The following SND1 variants were observed in gnomAD, a reference collection of about 807,000 sequenced individuals.
The protein encoded by SND1 is staphylococcal nuclease domain-containing protein 1.
A neutral mutation model predicts 121.7 loss-of-function variants in SND1; 38 were observed. That is an observed-to-expected ratio of 0.31 (90% CI 0.24 to 0.41). The LOEUF (loss-of-function observed/expected upper bound fraction) is 0.41, where lower values mean the gene tolerates loss of function less well. SND1 is among the 10% of genes least tolerant of loss of function. SND1 has a pLI of 1.00. For missense variants in SND1, 868 were observed against 1,184.6 expected (o/e 0.73, Z 3.92); for synonymous variants, 401 against 447.4 (o/e 0.90, Z 1.31).
At chr7:127,762,838 A>G (rs760296030) in intron 10 of SND1, among the ~76,000 whole-genome samples, 1 of 152,226 alleles carries the variant, frequency 6.6e-6, no homozygotes, top group Non-Finnish European at 1.5e-5. Flanking sequence ...TTAAGGAATA[A>G]TTGTAAAAGA....
In SND1 at chr7:127,922,536, A is replaced by G. The variant is rs191262392; in HGVS notation, c.1528-6652A>G. 5.9e-4 allele frequency among the ~76,000 whole-genome samples: 90 copies of G among 152,186 alleles called. 1 individual carries two copies. The highest frequency in any genetic ancestry group is 2.0e-3 in the Admixed American group (30 of 15,280). On this transcript the variant is annotated intron_variant, in intron 14 of 23. Transcript: ENST00000354725. The stretch of plus-strand genomic sequence containing the variant: ...AATGGTGGGTAGGACCAACCAAATA[A>G]AAGTGTTTGTAGATGTCTGACTTTC...
intron 10 of SND1, among the ~76,000 whole-genome samples, chr7:127,732,755 TAAGTA>T (rs1431652156): frequency 6.6e-6 from 1 of 152,260 alleles, no homozygotes; most frequent in African/African-American, 2.4e-5. Context: ...TAGAAGAAGT[TAAGTA>T]AATTTATATC....
chr7:127,779,817 C>G (rs1258190992), intron 10 of SND1, among the ~76,000 whole-genome samples: 2 of 152,182 alleles, frequency 1.3e-5, no homozygotes, highest in African/African-American at 4.8e-5. Flanking sequence ...GCCTGGATTG[C>G]TCTTTCTTAT....
chr7:127,748,689 T>A (rs956814565), intron 10 of SND1, among the ~76,000 whole-genome samples: 1 of 152,152 alleles, frequency 6.6e-6, no homozygotes, highest in Non-Finnish European at 1.5e-5. Context: ...CAAAACTACA[T>A]GAATTGGTCT....
At chr7:127,902,876 G>C (rs2116761865) in intron 13 of SND1, among the ~76,000 whole-genome samples, 1 of 151,646 alleles carries the variant, frequency 6.6e-6, no homozygotes, top group African/African-American at 2.4e-5. Context: ...ACCACACCTG[G>C]CTGATTTATT....
At chr7:127,714,193 C>T (rs1043178237) in intron 9 of SND1, among the ~76,000 whole-genome samples, 5 of 152,140 alleles carry the variant, frequency 3.3e-5, no homozygotes, top group Non-Finnish European at 5.9e-5. Context: ...ATAGATTAAG[C>T]AGAGCCCTGA....
At chr7:127,968,344 T>C (rs1801902322) in intron 15 of SND1, among the ~76,000 whole-genome samples, 1 of 152,206 alleles carries the variant, frequency 6.6e-6, no homozygotes, top group African/African-American at 2.4e-5. Context: ...AACACAGAGA[T>C]CTGCAGTCTG....
At chr7:127,745,066 A>G (rs1796953548) in intron 10 of SND1, among the ~76,000 whole-genome samples, 3 of 152,214 alleles carry the variant, frequency 2.0e-5, no homozygotes, top group Admixed American at 1.3e-4. Context: ...ATCCTTGGTA[A>G]GTAGAAAGAT....
At chr7:127,857,719 A>T in intron 12 of SND1, 2 of 599,526 alleles carry the variant, frequency 3.3e-6, no homozygotes, top group Non-Finnish European at 6.0e-6. Flanking sequence ...CCCCACAACT[A>T]AAGGCTTTTA....
intron 15 of SND1, among the ~76,000 whole-genome samples, chr7:127,944,669 C>T (rs12154492): frequency 0.22 from 33,744 of 152,138 alleles, 4,235 homozygotes; most frequent in Middle Eastern, 0.33. Context: ...GAGAAATGAA[C>T]TTCACCTGAG....
At chr7:127,724,085 A>G (rs34188289) in intron 10 of SND1, among the ~76,000 whole-genome samples, 9,921 of 152,270 alleles carry the variant, frequency 0.065, 417 homozygotes, top group Middle Eastern at 0.19. Context: ...TTGTTGGTAC[A>G]TATTTACAGA....
At chr7:127,679,158 C>A (rs970775824) in intron 1 of SND1, 1 of 152,164 alleles carries the variant, frequency 6.6e-6, no homozygotes, top group East Asian at 1.9e-4. Flanking sequence ...CCATTTTCAT[C>A]CTTTTTAGAG....
rs1405867037 is a variant in SND1, at chr7:127,686,751, A to T, written c.217A>T (p.Thr73Ser). 8 of 1,613,400 alleles carry T rather than the reference A, an allele frequency of 5.0e-6. No individual in the cohort carries two copies. The East Asian group carries it at 1.8e-4, about 36-fold the overall frequency. ...AAATQPDAKD[T>S]PDEPWAFPAR... ...CGCCACACAACCTGATGCAAAGGAT[A>T]CCCCTGATGAGGTAGGTGTTTCCTG... The change falls in exon 2 of 24, where the codon ACC (threonine) becomes TCC (serine). Residue 73 changes from threonine to serine, a missense_variant. Thr to Ser is a moderately conservative substitution (Grantham distance 58). This residue lies in a region of SND1 where 125 missense variants were observed against 113.3 expected (regional missense o/e 1.10). Transcript: ENST00000354725.
intron 16 of SND1, among the ~76,000 whole-genome samples, chr7:128,040,800 G>A (rs1163911897): frequency 2.6e-5 from 4 of 152,198 alleles, no homozygotes; most frequent in African/African-American, 9.6e-5. Flanking sequence ...TGCCACATTG[G>A]CGCTGCCTCC....
At chr7:127,686,461 C>A in intron 1 of SND1, 152 bp from the exon 2 acceptor site, 1 of 778,558 alleles carries the variant, frequency 1.3e-6, no homozygotes, top group African/African-American at 1.8e-5. Flanking sequence ...AAATTAAAAA[C>A]AATCCTGTTT....
intron 9 of SND1, among the ~76,000 whole-genome samples, chr7:127,709,929 A>G (rs1587612053): frequency 1.3e-5 from 2 of 152,254 alleles, no homozygotes; most frequent in East Asian, 3.9e-4. Flanking sequence ...AAAAAACATA[A>G]AGAAGATAAG....
chr7:128,085,307 GA>G lies in SND1; in HGVS notation c.2235-403del, dbSNP rs1793671061. Among the ~76,000 whole-genome samples the G allele has an allele frequency of 1.3e-5, 2 of 152,214 alleles. No homozygotes were observed. Among genetic ancestry groups the G allele is most frequent in the Non-Finnish European group, 2.9e-5 (2 of 68,018 alleles). ...GTCGCTGATGTGTAATCTACCAAGG[GA>G]GGGCCCATGGCCTTCCCAGGGTGAC... On this transcript the variant is annotated intron_variant, in intron 19 of 23. Coordinates refer to ENST00000354725, the MANE Select transcript of SND1 (RefSeq NM_014390.4). This position sits in a 1 kb window ranked among gnomAD's most constrained non-coding sequence, Gnocchi z 4.4.
chr7:127,885,157 T>C (rs374655979), intron 12 of SND1, among the ~76,000 whole-genome samples: 11 of 152,146 alleles, frequency 7.2e-5, no homozygotes, highest in African/African-American at 2.4e-4. Flanking sequence ...AACTGGGATA[T>C]AGAGCAAGAA....
intron 16 of SND1, among the ~76,000 whole-genome samples, chr7:127,995,470 G>C (rs1209883619): frequency 3.9e-5 from 6 of 152,254 alleles, no homozygotes; most frequent in Non-Finnish European, 4.4e-5. Flanking sequence ...GAAGTAGTGA[G>C]AGATAGCATT....
Sources: gnomAD v4.1 joint callset for allele counts (sites outside exome capture counted in the v4.1 genomes callset) on GRCh38, gnomAD v4.1.1 for gene constraint, gnomAD v4.1.1 regional missense constraint, Gnocchi (gnomAD v3.1) non-coding constraint, MANE v1.5 for transcripts, NCBI Gene and HGNC (gene_info 2026-07-23, HGNC 2026-07-21) for gene names.